Variants in PLPPR5 observed in about 807,000 individuals in gnomAD.
PLPPR5 encodes phospholipid phosphatase related 5, also known as phospholipid phosphatase-related protein type 5.
In PLPPR5, 16 loss-of-function variants were observed where a neutral mutation model predicts 33.9. That is an observed-to-expected ratio of 0.47 (90% CI 0.32 to 0.72). PLPPR5 has a LOEUF of 0.72. Ranked by LOEUF, PLPPR5 falls within the 30% of genes least tolerant of loss-of-function variation. The pLI is 0.03. For synonymous variants in PLPPR5, 163 were observed against 150.3 expected (o/e 1.08, Z -0.62); for missense variants, 301 against 406.7 (o/e 0.74, Z 2.23).
intron 3 of PLPPR5, among the ~76,000 whole-genome samples, chr1:98,924,495 A>C (rs950749679): frequency 6.6e-6 from 1 of 152,194 alleles, no homozygotes; most frequent in Non-Finnish European, 1.5e-5. Flanking sequence ...GCCACCACAG[A>C]ATCATAGGAG....
intron 5 of PLPPR5, among the ~76,000 whole-genome samples, chr1:98,898,941 C>T (rs920748112): frequency 1.3e-5 from 2 of 152,078 alleles, no homozygotes; most frequent in African/African-American, 2.4e-5. Context: ...CCAGTTTTTA[C>T]GAGAGCATTA....
At chr1:98,950,219 C>CTTTTACCCATTTAAGTGG (rs1215588542) in intron 3 of PLPPR5, among the ~76,000 whole-genome samples, 2 of 151,980 alleles carry the variant, frequency 1.3e-5, no homozygotes, top group South Asian at 4.2e-4. Context: ...AATAATATCA[C>CTTTTACCCATTTAAGTGG]GTACTTTAAG....
chr1:98,974,850 T>TA (rs1286647502), intron 1 of PLPPR5, among the ~76,000 whole-genome samples: 1 of 152,096 alleles, frequency 6.6e-6, no homozygotes, highest in Non-Finnish European at 1.5e-5. Flanking sequence ...TTTGATCACT[T>TA]ACTTTGCACC....
chr1:99,003,258 A>C (rs1157814342), intron 1 of PLPPR5, among the ~76,000 whole-genome samples: 3 of 151,416 alleles, frequency 2.0e-5, no homozygotes, highest in Admixed American at 6.6e-5. Flanking sequence ...GGAACTTTTC[A>C]TTATTTTACA....
At chr1:98,974,986 C>T (rs1418487454) in intron 1 of PLPPR5, among the ~76,000 whole-genome samples, 1 of 151,996 alleles carries the variant, frequency 6.6e-6, no homozygotes, top group Non-Finnish European at 1.5e-5. Flanking sequence ...AACAGGTTTT[C>T]TTAACACCCA....
At chr1:98,915,154 G>A (rs1270115338) in intron 4 of PLPPR5, among the ~76,000 whole-genome samples, 1 of 152,072 alleles carries the variant, frequency 6.6e-6, no homozygotes, top group African/African-American at 2.4e-5. Context: ...CGGTTAATAT[G>A]TAGCTCACTT....
intron 3 of PLPPR5, among the ~76,000 whole-genome samples, chr1:98,938,995 GAGA>G (rs1347229147): frequency 3.3e-5 from 5 of 152,038 alleles, no homozygotes; most frequent in Non-Finnish European, 5.9e-5. Context: ...TGGGAGGAGA[GAGA>G]AGATCAGGAA....
At chr1:98,912,949 T>C (rs1222504495) in intron 5 of PLPPR5, among the ~76,000 whole-genome samples, 1 of 152,106 alleles carries the variant, frequency 6.6e-6, no homozygotes, top group Non-Finnish European at 1.5e-5. Flanking sequence ...CAAAGTACCA[T>C]GGACAAGTAA....
At chr1:98,987,798 G>T (rs1381725862) in intron 1 of PLPPR5, among the ~76,000 whole-genome samples, 1 of 151,810 alleles carries the variant, frequency 6.6e-6, no homozygotes, top group African/African-American at 2.4e-5. Context: ...AAAGAATTAT[G>T]CATTTTACAC....
At chr1:98,933,808 G>A (rs1356127122) in intron 3 of PLPPR5, among the ~76,000 whole-genome samples, 1 of 152,196 alleles carries the variant, frequency 6.6e-6, no homozygotes, top group African/African-American at 2.4e-5. Flanking sequence ...ATGTAGTGAT[G>A]TGAGGAAAGG....
chr1:99,005,403 T>C (rs1570774683), upstream of PLPPR5, among the ~76,000 whole-genome samples: 1 of 152,082 alleles, frequency 6.6e-6, no homozygotes, highest in East Asian at 1.9e-4. Flanking sequence ...CTGGCGGTGG[T>C]TTCTAGGCGC....
intron 1 of PLPPR5, among the ~76,000 whole-genome samples, chr1:98,983,159 C>T (rs1052154192): frequency 6.6e-6 from 1 of 151,394 alleles, no homozygotes; most frequent in African/African-American, 2.4e-5. Flanking sequence ...CATATGTCAA[C>T]ATGTGCCATG....
intron 1 of PLPPR5, among the ~76,000 whole-genome samples, chr1:98,970,998 C>T (rs1381444101): frequency 6.6e-6 from 1 of 151,990 alleles, no homozygotes; most frequent in Non-Finnish European, 1.5e-5. Flanking sequence ...GTAAAAAATG[C>T]TTGATAAACC....
At chr1:98,983,244 C>A (rs1389808319) in intron 1 of PLPPR5, among the ~76,000 whole-genome samples, 21 of 120,950 alleles carry the variant, frequency 1.7e-4, no homozygotes, top group East Asian at 2.9e-4. Flanking sequence ...CCCCTCCCCC[C>A]ACCCCACAAC....
chr1:98,932,528 A>G (rs1373620322), intron 3 of PLPPR5, among the ~76,000 whole-genome samples: 1 of 152,160 alleles, frequency 6.6e-6, no homozygotes, highest in African/African-American at 2.4e-5. Flanking sequence ...ATGTACAGCA[A>G]CTCTCACAAT....
At chr1:98,930,433 A>G (rs941051238) in intron 3 of PLPPR5, among the ~76,000 whole-genome samples, 5 of 152,272 alleles carry the variant, frequency 3.3e-5, no homozygotes, top group Non-Finnish European at 5.9e-5. Flanking sequence ...CATAATATAC[A>G]TATATCATCT....
intron 3 of PLPPR5, among the ~76,000 whole-genome samples, chr1:98,951,663 C>T (rs1359458200): frequency 6.6e-6 from 1 of 152,156 alleles, no homozygotes. Flanking sequence ...ACGTGTAATG[C>T]TGTATTTCCT....
chr1:98,921,896 T>C lies in PLPPR5; in HGVS notation c.784A>G (p.Ile262Val), dbSNP rs774195359. 2.0e-5 allele frequency: 32 copies of C among 1,612,868 alleles called. No homozygotes were observed. The highest frequency in any genetic ancestry group is 2.7e-5 in the African/African-American group (2 of 74,882). The change falls in exon 4 of 6, where the codon ATA (isoleucine) becomes GTA (valine). Residue 262 changes from isoleucine to valine, a missense_variant. By Grantham distance (29) the Ile-to-Val change is conservative. Coordinates refer to ENST00000263177, the MANE Select transcript of PLPPR5 (RefSeq NM_001037317.2). Reference sequence around the variant, plus strand: ...TTTGTACTTACCAGAAATACTGCTATAGATATTCCAACCAGAAAGCCTGCT... The same window carrying C: ...TTTGTACTTACCAGAAATACTGCTACAGATATTCCAACCAGAAAGCCTGCT... ...VIAGFLVGIS[I>V]AVFLVVCVVN... is the part of the protein sequence containing the mutation.
intron 1 of PLPPR5, among the ~76,000 whole-genome samples, chr1:98,975,772 C>G (rs1557690085): frequency 6.6e-6 from 1 of 151,952 alleles, no homozygotes; most frequent in Admixed American, 6.6e-5. Flanking sequence ...ATCGGGATAT[C>G]TCGACCCAAG....
Sources: gnomAD v4.1 joint callset for allele counts (sites outside exome capture counted in the v4.1 genomes callset) on GRCh38, gnomAD v4.1.1 for gene constraint, MANE v1.5 for transcripts, NCBI Gene and HGNC (gene_info 2026-07-23, HGNC 2026-07-21) for gene names.